The following MX1 variants were observed in gnomAD, a reference collection of about 807,000 sequenced individuals.
MX1 encodes interferon-induced GTP-binding protein Mx1.
Under a neutral mutation model 66.4 loss-of-function variants are expected in MX1, and 66 were observed. The observed-to-expected ratio is 0.99, with a 90% confidence interval of 0.82 to 1.22. MX1 has a LOEUF of 1.22. Ranked by LOEUF, MX1 falls within the 50% of genes most tolerant of loss-of-function variation. MX1 has a pLI of 0.00. For missense variants in MX1, 787 were observed against 834.3 expected, an observed-to-expected ratio of 0.94 and a Z score of 0.70; for synonymous variants, 311 against 318.1, an observed-to-expected ratio of 0.98 and a Z score of 0.24.
rs1601532480 is a variant in MX1, at chr21:41,451,000, A to G, written c.1433-167A>G. The G allele has an allele frequency of 1.7e-5, 8 of 460,876 alleles. No homozygotes were observed. In the East Asian group the frequency reaches 2.6e-4, roughly 15 times the overall value. The allele number at this position is 460,876 out of a possible 1,614,324, so 28.5% of individuals were successfully genotyped here. A position where few individuals can be genotyped will look rare whatever the true frequency, so the allele number is the denominator to read the frequency against. On this transcript the variant is annotated intron_variant, in intron 14 of 16. Transcript: ENST00000398598. ...TTTGCTTTTAAGATTCTTCCAGCAA[A>G]TTATTAAGCAAAAAGAGCATGCCTT... is the stretch of plus-strand genomic sequence containing the variant.
chr21:41,445,468 A>C lies in MX1; in HGVS notation c.1029A>C (p.Glu343Asp). Residue 343 changes from glutamate to aspartate, a missense_variant, in exon 12 of 17, where the codon GAA becomes GAC. Transcript: ENST00000398598. Reference sequence around the variant, plus strand: ...CTCAGAAATCTCTGCCCCTGTTAGAAAATCAAATCAAGGAGACTCACCAGA... The same window carrying C: ...CTCAGAAATCTCTGCCCCTGTTAGACAATCAAATCAAGGAGACTCACCAGA... Reference protein sequence around the residue: ...THICKSLPLLENQIKETHQRI... With the variant: ...THICKSLPLLDNQIKETHQRI... 6.2e-7 allele frequency: 1 copy of C among 1,614,142 alleles called. No individual in the cohort carries two copies. The highest frequency in any genetic ancestry group is 1.1e-5 in the South Asian group (1 of 91,080).
intron 1 of MX1, chr21:41,426,850 C>CA (rs1287523077): frequency 1.3e-5 from 2 of 152,132 alleles, no homozygotes; most frequent in African/African-American, 2.4e-5. Flanking sequence ...CTGTTCCCCC[C>CA]CACCGCCCCA....
intron 13 of MX1, among the ~76,000 whole-genome samples, 193 bp from the exon 14 acceptor site, chr21:41,448,933 TGTGTGTGTGTG>T (rs1375686896): frequency 0.017 from 6 of 346 alleles, no homozygotes; most frequent in Non-Finnish European, 0.051. Flanking sequence ...TCTGGTTTTG[TGTGTGTGTGTG>T]TGTGTGTGTG....
chr21:41,448,193 G>A (rs531102951), intron 13 of MX1, among the ~76,000 whole-genome samples: 38 of 152,324 alleles, frequency 2.5e-4, no homozygotes, highest in Non-Finnish European at 5.0e-4. Flanking sequence ...ACTCTCTCTA[G>A]TGTGGATTGT....
intron 16 of MX1, among the ~76,000 whole-genome samples, chr21:41,456,809 T>C (rs747966888): frequency 1.3e-5 from 2 of 152,150 alleles, no homozygotes; most frequent in African/African-American, 2.4e-5. Flanking sequence ...TCGCCCAGGC[T>C]GGAGTGCAGT....
intron 11 of MX1, 108 bp from the exon 12 acceptor site, chr21:41,445,340 G>A: frequency 2.2e-6 from 3 of 1,334,948 alleles, no homozygotes; most frequent in Non-Finnish European, 3.1e-6. Context: ...AGGAAGCCAG[G>A]AAGTCAAATG....
At chr21:41,442,019 G>A (rs1297227800) in intron 10 of MX1, 105 bp downstream of exon 10, 2 of 1,033,548 alleles carry the variant, frequency 1.9e-6, no homozygotes, top group Non-Finnish European at 2.9e-6. Flanking sequence ...GTGTGTGTGT[G>A]TGTGTGCGTG....
chr21:41,451,888 G>C (rs922253968), intron 15 of MX1, among the ~76,000 whole-genome samples: 5 of 150,674 alleles, frequency 3.3e-5, no homozygotes, highest in African/African-American at 1.2e-4. Context: ...TGAGGAAAGA[G>C]CCTACAGGAA....
intron 13 of MX1, among the ~76,000 whole-genome samples, chr21:41,448,005 G>A (rs1415443535): frequency 2.6e-5 from 4 of 152,290 alleles, no homozygotes; most frequent in Admixed American, 2.0e-4. Context: ...TTGGGATTAC[G>A]GGCGTGAGCC....
intron 11 of MX1, 116 bp downstream of exon 11, chr21:41,443,982 A>G (rs2090589436): frequency 1.0e-6 from 1 of 993,016 alleles, no homozygotes; most frequent in African/African-American, 1.6e-5. Context: ...TCTTGTTAAG[A>G]TGCAGTTTCA....
At chr21:41,448,701 G>A (rs1481312067) in intron 13 of MX1, among the ~76,000 whole-genome samples, 3 of 152,154 alleles carry the variant, frequency 2.0e-5, no homozygotes, top group African/African-American at 7.2e-5. Context: ...AGCTACTTGG[G>A]AGGCTGAGGC....
chr21:41,451,095 A>T, intron 14 of MX1, 72 bp from the exon 15 acceptor site: 1 of 1,022,364 alleles, frequency 9.8e-7, no homozygotes, highest in Non-Finnish European at 1.5e-6. Flanking sequence ...TTTGATCCTC[A>T]TATTTTTTTG....
intron 11 of MX1, among the ~76,000 whole-genome samples, chr21:41,444,349 C>CA (rs2090604521): frequency 1.1e-5 from 1 of 87,530 alleles, no homozygotes; most frequent in Non-Finnish European, 2.0e-5. Flanking sequence ...TTTTTTGAGA[C>CA]AGAGTCTCAC....
chr21:41,443,460 A>G lies in MX1; in HGVS notation c.930-328A>G, dbSNP rs1021633193. 10 of 280,926 alleles carry G rather than the reference A, an allele frequency of 3.6e-5. No individual in the cohort carries two copies. In the South Asian group the frequency reaches 5.0e-4, roughly 14 times the overall value. The allele number at this position is 280,926 out of a possible 1,614,324, so 17.4% of individuals were successfully genotyped here. ...TTATGATCACCTACACATATTACAC[A>G]TAGAAGGGGGTATGTGTTATAAAAA... On this transcript the variant is annotated intron_variant, in intron 10 of 16. Transcript: ENST00000398598.
intron 13 of MX1, among the ~76,000 whole-genome samples, chr21:41,448,221 C>T (rs1314788369): frequency 3.9e-5 from 6 of 152,122 alleles, no homozygotes; most frequent in African/African-American, 1.4e-4. Context: ...ACAAATCATT[C>T]CAAAAGTTTA....
intron 5 of MX1, among the ~76,000 whole-genome samples, chr21:41,432,763 G>T (rs1378503807): frequency 2.0e-5 from 3 of 152,320 alleles, no homozygotes; most frequent in Non-Finnish European, 4.4e-5. Context: ...AGAGCAAAGT[G>T]CAGGGAGTGT....
chr21:41,424,697 T>C (rs2090029521), upstream of MX1, among the ~76,000 whole-genome samples: 1 of 152,204 alleles, frequency 6.6e-6, no homozygotes, highest in African/African-American at 2.4e-5. Context: ...ATGGGTCTGC[T>C]TGACTCAGCC....
rs758721832 is a variant in MX1 at position 41,441,771 on chromosome 21, C to A, written c.786C>A (p.Asp262Glu). 1.9e-6 allele frequency: 3 copies of A among 1,614,052 alleles called. No homozygotes were observed. In the Admixed American group the frequency reaches 5.0e-5, roughly 27 times the overall value. ...VDKGTEDKVV[D>E]VVRNLVFHLK... ...AAGGAACTGAAGACAAGGTTGTGGA[C>A]GTGGTGCGGAACCTCGTGTTCCACC... Residue 262 changes from aspartate to glutamate, a missense_variant, in exon 10 of 17, where the codon GAC (aspartate) becomes GAA (glutamate). Coordinates refer to ENST00000398598, the MANE Select transcript of MX1 (RefSeq NM_002462.5). This position sits in a 1 kb window ranked among gnomAD's most constrained non-coding sequence, Gnocchi z 4.0.
At chr21:41,447,371 C>T (rs2090692853) in intron 13 of MX1, among the ~76,000 whole-genome samples, 1 of 152,158 alleles carries the variant, frequency 6.6e-6, no homozygotes, top group Non-Finnish European at 1.5e-5. Context: ...GTTAGGACTT[C>T]AACATTGGAG....
Sources: gnomAD v4.1 joint callset for allele counts (sites outside exome capture counted in the v4.1 genomes callset) on GRCh38, gnomAD v4.1.1 for gene constraint, Gnocchi (gnomAD v3.1) non-coding constraint, MANE v1.5 for transcripts, NCBI Gene and HGNC (gene_info 2026-07-23, HGNC 2026-07-21) for gene names.